The following PYM1 variants were observed in gnomAD, a reference collection of about 807,000 sequenced individuals.
PYM1 encodes partner of Y14 and mago.
Under a neutral mutation model 20.7 loss-of-function variants are expected in PYM1, and 7 were observed. The ratio of observed to expected loss-of-function variants is 0.34; its 90% CI spans 0.19 to 0.64. The LOEUF (loss-of-function observed/expected upper bound fraction) is 0.64. Ranked by LOEUF, PYM1 falls within the 30% of genes least tolerant of loss-of-function variation. The pLI is 0.74. For missense variants in PYM1, 194 were observed against 250.0 expected, an observed-to-expected ratio of 0.78 and a Z score of 1.51; for synonymous variants, 100 against 99.2, an observed-to-expected ratio of 1.01 and a Z score of -0.05.
At chr12:55,927,463 G>C in intron 1 of PYM1, 1 of 693,404 alleles carries the variant, frequency 1.4e-6, no homozygotes, top group Non-Finnish European at 2.6e-6. Flanking sequence ...ACCCAAAAAG[G>C]GGGCCTTATA....
In PYM1 at chr12:55,902,149, A is replaced by G. The variant is rs1390965987; in HGVS notation, c.338T>C (p.Leu113Pro). 1 of 1,614,062 alleles carries G rather than the reference A, an allele frequency of 6.2e-7. No individual in the cohort carries two copies. The highest frequency in any genetic ancestry group is 8.5e-7 in the Non-Finnish European group (1 of 1,180,008). ...TGTCTCTTCCAGGGACACCTTATCA[A>G]GAGTCCTGCTCAAGGCCTCTGCCTC... ...KGEAEALSRT[L>P]DKVSLEETAQ... The change falls in exon 3 of 3, where the codon CTT (leucine) becomes CCT (proline). Residue 113 changes from leucine (L) to proline (P), a missense_variant. Leu to Pro is a moderately conservative substitution (Grantham distance 98). Around this residue, in one of 3 missense-constraint regions of PYM1, gnomAD observed 158 missense variants for 179.0 expected, o/e 0.88. Coordinates refer to ENST00000408946, the MANE Select transcript of PYM1 (RefSeq NM_032345.3).
chr12:55,919,526 A>T (rs1883062369), intron 1 of PYM1, among the ~76,000 whole-genome samples: 1 of 152,182 alleles, frequency 6.6e-6, no homozygotes, highest in Admixed American at 6.5e-5. Context: ...TATTTTAGAA[A>T]ATAACAGCCA....
chr12:55,915,485 T>C (rs1882990222), intron 1 of PYM1, among the ~76,000 whole-genome samples: 2 of 150,836 alleles, frequency 1.3e-5, no homozygotes, highest in Non-Finnish European at 3.0e-5. Context: ...GGAGAATCAC[T>C]TGATCCTGGG....
intron 1 of PYM1, among the ~76,000 whole-genome samples, chr12:55,905,972 T>C (rs1466488972): frequency 3.1e-5 from 4 of 128,964 alleles, no homozygotes; most frequent in Admixed American, 2.6e-4. Context: ...AATAGATATA[T>C]ATATTATTAT....
chr12:55,919,543 A>C (rs1883062615), intron 1 of PYM1, among the ~76,000 whole-genome samples: 1 of 152,202 alleles, frequency 6.6e-6, no homozygotes, highest in Non-Finnish European at 1.5e-5. Flanking sequence ...GCCAATCTTA[A>C]CAGTATAATT....
At chr12:55,905,170 T>C (rs1253195288) in intron 1 of PYM1, among the ~76,000 whole-genome samples, 1 of 143,454 alleles carries the variant, frequency 7.0e-6, no homozygotes, top group East Asian at 2.1e-4. Context: ...CCTGGCTAAT[T>C]TTTTTTTTTT....
intron 2 of PYM1, among the ~76,000 whole-genome samples, chr12:55,902,753 C>G (rs1446065415): frequency 6.8e-6 from 1 of 147,710 alleles, no homozygotes; most frequent in Non-Finnish European, 1.5e-5. Context: ...CTTGGGATTA[C>G]AGAGAGCCAC....
intron 1 of PYM1, chr12:55,927,140 C>T (rs1053342617): frequency 5.8e-6 from 9 of 1,551,220 alleles, no homozygotes; most frequent in Admixed American, 3.9e-5. Context: ...CCGGCGTGAG[C>T]GGGCTGGGGT....
intron 1 of PYM1, among the ~76,000 whole-genome samples, chr12:55,922,580 G>A (rs879916102): frequency 9.2e-5 from 14 of 151,844 alleles, no homozygotes; most frequent in East Asian, 7.8e-4. Flanking sequence ...TGGCATCACC[G>A]CACTCCAGTC....
At chr12:55,912,597 A>G (rs1592638398) in intron 1 of PYM1, among the ~76,000 whole-genome samples, 1 of 150,504 alleles carries the variant, frequency 6.6e-6, no homozygotes, top group East Asian at 2.0e-4. Flanking sequence ...GGGGGAAAAA[A>G]AAAAGGCCTT....
At chr12:55,911,343 C>T (rs928296431) in intron 1 of PYM1, among the ~76,000 whole-genome samples, 1 of 151,870 alleles carries the variant, frequency 6.6e-6, no homozygotes, top group South Asian at 2.1e-4. Context: ...AACTCCTGAC[C>T]TCATGTGATC....
chr12:55,924,803 A>C (rs1883161286), intron 1 of PYM1, among the ~76,000 whole-genome samples: 1 of 152,116 alleles, frequency 6.6e-6, no homozygotes, highest in African/African-American at 2.4e-5. Flanking sequence ...CAACCTCCCG[A>C]GTAGCTGAGA....
At position 55,906,604 on chromosome 12, in the gene PYM1, T is replaced by A. The variant is rs1459767143; in HGVS notation, c.38-3124A>T. 2.6e-5 allele frequency among the ~76,000 whole-genome samples: 4 copies of A among 152,272 alleles called. No individual in the cohort carries two copies. The East Asian group carries it at 7.7e-4, about 29-fold the overall frequency. ...CCCCCTTAAGGGTCCTGAACCACACTTTGAGAATCGCTGATATAGAGTATG... is the reference window on the plus strand; with the variant it reads ...CCCCCTTAAGGGTCCTGAACCACACATTGAGAATCGCTGATATAGAGTATG... On this transcript the variant is annotated intron_variant, in intron 1 of 2. Coordinates refer to ENST00000408946, the MANE Select transcript of PYM1 (RefSeq NM_032345.3).
intron 1 of PYM1, among the ~76,000 whole-genome samples, chr12:55,925,869 C>T (rs1296262397): frequency 6.6e-6 from 1 of 152,134 alleles, no homozygotes; most frequent in East Asian, 1.9e-4. Flanking sequence ...ATTTTCAAAA[C>T]ACACATTAAA....
At chr12:55,925,153 T>C (rs80075896) in intron 1 of PYM1, among the ~76,000 whole-genome samples, 302 of 152,238 alleles carry the variant, frequency 2.0e-3, no homozygotes, top group African/African-American at 7.0e-3. Flanking sequence ...ACAACAGAAG[T>C]GCCTGCTTAG....
chr12:55,906,504 C>T (rs1458791039), intron 1 of PYM1, among the ~76,000 whole-genome samples: 4 of 152,048 alleles, frequency 2.6e-5, no homozygotes, highest in East Asian at 3.9e-4. Context: ...AAGTCAACCC[C>T]ATGAAAAAGA....
At chr12:55,926,169 T>G (rs1883183540) in intron 1 of PYM1, among the ~76,000 whole-genome samples, 1 of 152,208 alleles carries the variant, frequency 6.6e-6, no homozygotes, top group Admixed American at 6.5e-5. Flanking sequence ...GCACAGTATT[T>G]TATAAATTGC....
intron 1 of PYM1, among the ~76,000 whole-genome samples, chr12:55,919,278 A>G (rs2136267700): frequency 6.6e-6 from 1 of 152,126 alleles, no homozygotes; most frequent in Middle Eastern, 3.4e-3. Flanking sequence ...CCTCCCAAGT[A>G]GTTGGGACTA....
intron 1 of PYM1, among the ~76,000 whole-genome samples, chr12:55,906,987 A>C (rs1001507461): frequency 1.3e-5 from 2 of 151,998 alleles, no homozygotes; most frequent in African/African-American, 2.4e-5. Flanking sequence ...GGCAACACTT[A>C]AAGACATGTA....
Sources: gnomAD v4.1 joint callset for allele counts (sites outside exome capture counted in the v4.1 genomes callset) on GRCh38, gnomAD v4.1.1 for gene constraint, gnomAD v4.1.1 regional missense constraint, MANE v1.5 for transcripts, NCBI Gene and HGNC (gene_info 2026-07-23, HGNC 2026-07-21) for gene names.